KIF5C: variants seen among roughly 807,000 people sequenced by gnomAD.
KIF5C encodes the protein kinesin family member 5C.
Under a neutral mutation model 125.2 loss-of-function variants are expected in KIF5C, and 18 were observed. That is an observed-to-expected ratio of 0.14 (90% CI 0.10 to 0.21). KIF5C has a LOEUF of 0.21. KIF5C is among the 10% of genes least tolerant of loss of function. The pLI is 1.00. For missense variants in KIF5C, 780 were observed against 1,183.8 expected, an observed-to-expected ratio of 0.66 and a Z score of 5.01; for synonymous variants, 405 against 434.0, an observed-to-expected ratio of 0.93 and a Z score of 0.83.
chr2:148,950,229 CAG>C, intron 9 of KIF5C, 83 bp from the exon 10 acceptor site: 1 of 1,540,390 alleles, frequency 6.5e-7, no homozygotes, highest in Non-Finnish European at 8.8e-7. Context: ...TTTCTAAGCT[CAG>C]TGTCTTCATC....
rs112796565 is a variant in KIF5C at position 148,919,237 on chromosome 2, C to T, written c.127-2900C>T. ...ACAGAAAGGAGGCAGAGGTCTGGGT[C>T]TTGAATACACCACCATTTAGAAGTT... is the stretch of plus-strand genomic sequence containing the variant. On this transcript the variant is annotated intron_variant, in intron 1 of 25. Coordinates refer to ENST00000435030, the MANE Select transcript of KIF5C (RefSeq NM_004522.3). Among the ~76,000 whole-genome samples the T allele has an allele frequency of 6.0e-3, 912 of 152,124 alleles. 7 individuals are homozygous for T. Among genetic ancestry groups the T allele is most frequent in the Non-Finnish European group, 9.7e-3 (661 of 67,984 alleles).
At chr2:148,946,760 CAG>C (rs1682528798) in intron 7 of KIF5C, 137 bp from the exon 8 acceptor site, 1 of 1,229,620 alleles carries the variant, frequency 8.1e-7, no homozygotes, top group Non-Finnish European at 1.1e-6. Context: ...ACAGGGGTCT[CAG>C]ATAATTTTTA....
At chr2:149,017,100 C>T (rs979860455) in intron 25 of KIF5C, among the ~76,000 whole-genome samples, 1 of 152,178 alleles carries the variant, frequency 6.6e-6, no homozygotes, top group Non-Finnish European at 1.5e-5. Context: ...ATAGAGCCGG[C>T]AGCTGAACCC....
At chr2:148,957,873 G>A (rs984709233) in intron 10 of KIF5C, among the ~76,000 whole-genome samples, 15 of 151,756 alleles carry the variant, frequency 9.9e-5, no homozygotes, top group Non-Finnish European at 1.9e-4. Context: ...AGTCAACACC[G>A]AACTCTCAAG....
chr2:148,998,237 G>C (rs1681736106), intron 18 of KIF5C, 163 bp from the exon 19 acceptor site: 2 of 1,192,988 alleles, frequency 1.7e-6, no homozygotes, highest in Admixed American at 2.8e-5. Context: ...TCCCAATAAA[G>C]CAAGGCCGGG....
Position 148,949,823 on chromosome 2 carries a change from C to G in KIF5C, c.715-16C>G, listed in dbSNP as rs754318785. On this transcript the variant is annotated splice_polypyrimidine_tract_variant and intron_variant, in intron 8 of 25. Coordinates refer to ENST00000435030, the MANE Select transcript of KIF5C (RefSeq NM_004522.3). ...GCCGTCCTGTGCTGCTCACTGCTTT[C>G]TTTTCTCTCTGGTAGGTCAGCAAAA... is the stretch of plus-strand genomic sequence containing the variant. 1 of 1,612,918 alleles carries G rather than the reference C, an allele frequency of 6.2e-7. No individual in the cohort carries two copies.
chr2:148,989,737 A>G (rs746235055), intron 15 of KIF5C, among the ~76,000 whole-genome samples: 15 of 152,148 alleles, frequency 9.9e-5, no homozygotes, highest in Non-Finnish European at 1.8e-4. Context: ...CTGATAATTA[A>G]TGATGTTGAG....
intron 10 of KIF5C, among the ~76,000 whole-genome samples, chr2:148,961,635 A>G (rs1349107679): frequency 1.3e-5 from 2 of 152,188 alleles, no homozygotes; most frequent in African/African-American, 4.8e-5. Flanking sequence ...GGTACTGAAC[A>G]TTTGAAAAAG....
chr2:148,939,713 T>C (rs2105101528), intron 4 of KIF5C, among the ~76,000 whole-genome samples: 1 of 152,340 alleles, frequency 6.6e-6, no homozygotes, highest in African/African-American at 2.4e-5. Flanking sequence ...CTGACTACTT[T>C]GTATTCTGAA....
chr2:148,957,028 A>C (rs1208375135), intron 10 of KIF5C, among the ~76,000 whole-genome samples: 1 of 152,244 alleles, frequency 6.6e-6, no homozygotes, highest in Non-Finnish European at 1.5e-5. Context: ...TGGAACCATA[A>C]GGCTGGTTGG....
At chr2:149,002,662 C>T (rs1290821076) in intron 21 of KIF5C, among the ~76,000 whole-genome samples, 1 of 151,868 alleles carries the variant, frequency 6.6e-6, no homozygotes, top group Non-Finnish European at 1.5e-5. Context: ...TGTTCACACT[C>T]CCTTGTACAC....
At chr2:148,887,136 G>A (rs958548850) in intron 1 of KIF5C, among the ~76,000 whole-genome samples, 5 of 152,088 alleles carry the variant, frequency 3.3e-5, no homozygotes. Context: ...TACACAAAAA[G>A]TAAAATATTT....
intron 15 of KIF5C, among the ~76,000 whole-genome samples, chr2:148,986,050 G>GTTT (rs1310120817): frequency 2.0e-5 from 3 of 152,168 alleles, no homozygotes; most frequent in Non-Finnish European, 4.4e-5. Context: ...GATGTGAGGT[G>GTTT]ATTAAATGGC....
At chr2:148,891,601 C>T (rs533803428) in intron 1 of KIF5C, among the ~76,000 whole-genome samples, 1 of 152,294 alleles carries the variant, frequency 6.6e-6, no homozygotes, top group South Asian at 2.1e-4. Context: ...CATATTCTTC[C>T]TCGCTTGTGA....
At chr2:148,963,786 A>T (rs764515093) in intron 11 of KIF5C, among the ~76,000 whole-genome samples, 5 of 152,132 alleles carry the variant, frequency 3.3e-5, no homozygotes, top group African/African-American at 1.2e-4. Context: ...AGGGTGGGCA[A>T]TGAACCTTTT....
intron 19 of KIF5C, chr2:149,000,176 G>A (rs977891660): frequency 8.0e-5 from 31 of 385,988 alleles, no homozygotes; most frequent in Non-Finnish European, 3.2e-5. Flanking sequence ...TGAAGCTCTT[G>A]CACAAGCAAA....
intron 2 of KIF5C, among the ~76,000 whole-genome samples, 172 bp from the exon 3 acceptor site, chr2:148,929,109 C>A (rs1429205586): frequency 6.6e-6 from 1 of 152,040 alleles, no homozygotes; most frequent in Non-Finnish European, 1.5e-5. Flanking sequence ...CCATTTCTTT[C>A]CATTTGTAGA....
intron 11 of KIF5C, among the ~76,000 whole-genome samples, chr2:148,973,044 G>A (rs1288516580): frequency 1.1e-4 from 17 of 152,202 alleles, no homozygotes; most frequent in Admixed American, 1.1e-3. Context: ...CAAAATGAAT[G>A]TAAAGAATTT....
chr2:148,981,813 G>C (rs1315423410), intron 14 of KIF5C, among the ~76,000 whole-genome samples: 1 of 152,142 alleles, frequency 6.6e-6, no homozygotes, highest in Non-Finnish European at 1.5e-5. Context: ...TGCTTTGTGG[G>C]AATAGTCAAA....
Sources: gnomAD v4.1 joint callset for allele counts (sites outside exome capture counted in the v4.1 genomes callset) on GRCh38, gnomAD v4.1.1 for gene constraint, MANE v1.5 for transcripts, NCBI Gene and HGNC (gene_info 2026-07-23, HGNC 2026-07-21) for gene names.